The following DIP2B variants were observed in gnomAD, a reference collection of about 807,000 sequenced individuals.
DIP2B encodes DIP2 acetate--CoA ligase B (putative), also known as disco-interacting protein 2 homolog B.
In DIP2B, 76 loss-of-function variants were observed where a neutral mutation model predicts 198.0. The observed-to-expected ratio is 0.38, with a 90% CI of 0.32 to 0.46. DIP2B has a LOEUF of 0.46. DIP2B is among the 20% of genes least tolerant of loss of function. The pLI is 0.99. For missense variants in DIP2B, 1,559 were observed against 1,978.4 expected, an observed-to-expected ratio of 0.79 and a Z score of 4.02; for synonymous variants, 701 against 739.1, an observed-to-expected ratio of 0.95 and a Z score of 0.84.
chr12:50,645,518 C>A (rs1361083367), intron 3 of DIP2B, among the ~76,000 whole-genome samples: 1 of 149,262 alleles, frequency 6.7e-6, no homozygotes, highest in Non-Finnish European at 1.5e-5. Flanking sequence ...AGTACAGTGG[C>A]ACAATCATGG....
chr12:50,521,846 A>G (rs1958123012), intron 1 of DIP2B, among the ~76,000 whole-genome samples: 1 of 151,170 alleles, frequency 6.6e-6, no homozygotes, highest in Non-Finnish European at 1.5e-5. Context: ...GGGTTTTGCT[A>G]TGTTGCCCAG....
chr12:50,695,810 T>A lies in DIP2B; in HGVS notation c.1814-38T>A, dbSNP rs758682459. The stretch of plus-strand genomic sequence containing the variant: ...TGGTGTATTACATATGTCCCAAATT[T>A]ATTGTGTATGTTAACTTCATCCTTT... On this transcript the variant is annotated intron_variant, in intron 15 of 37. Coordinates refer to ENST00000301180, the MANE Select transcript of DIP2B (RefSeq NM_173602.3). 5.6e-6 allele frequency: 9 copies of A among 1,610,282 alleles called. No individual in the cohort carries two copies. In the East Asian group the frequency reaches 2.0e-4, roughly 36 times the overall value.
At chr12:50,733,254 CT>C (rs10538769) in intron 32 of DIP2B, among the ~76,000 whole-genome samples, 46,008 of 136,946 alleles carry the variant, frequency 0.34, 7,592 homozygotes, top group African/African-American at 0.38. Flanking sequence ...TTTTTTCTTT[CT>C]TTTTTTTTTT....
At chr12:50,735,237 T>C (rs1940116386) in intron 34 of DIP2B, 107 bp downstream of exon 34, 1 of 1,259,104 alleles carries the variant, frequency 7.9e-7, no homozygotes, top group Non-Finnish European at 1.1e-6. Context: ...CAAGCCTTAA[T>C]TGAAATCTGG....
At chr12:50,723,056 A>G (rs1939870370) in intron 26 of DIP2B, 146 bp from the exon 27 acceptor site, 9 of 890,494 alleles carry the variant, frequency 1.0e-5, no homozygotes, top group Non-Finnish European at 1.5e-5. Flanking sequence ...TTCACTTTCA[A>G]TATCTTCTGC....
chr12:50,638,591 A>G (rs1251914332), intron 2 of DIP2B, among the ~76,000 whole-genome samples: 1 of 152,158 alleles, frequency 6.6e-6, no homozygotes, highest in African/African-American at 2.4e-5. Context: ...TTACCATGGC[A>G]GTGAAACTGT....
At chr12:50,613,372 C>A (rs969521902) in intron 1 of DIP2B, among the ~76,000 whole-genome samples, 1 of 152,126 alleles carries the variant, frequency 6.6e-6, no homozygotes, top group African/African-American at 2.4e-5. Flanking sequence ...ACAAGAAAAC[C>A]TTTACTCTGA....
At position 50,732,518 on chromosome 12, in the gene DIP2B, T is replaced by C. The variant is rs778725440; in HGVS notation, c.3963T>C (p.Asn1321=). The change falls in exon 32 of 38, where the codon AAT becomes AAC. Residue 1321 remains asparagine (N), a synonymous_variant. Transcript: ENST00000301180. ...AVSTTFGSRV[N]VAICLQGTSG... ...GCACCACTTTTGGATCAAGAGTCAA[T>C]GTAGCAATATGTTTACAGGTGACCC... The C allele has an allele frequency of 6.2e-7, 1 of 1,614,070 alleles. No homozygotes were observed. The highest frequency in any genetic ancestry group is 8.5e-7 in the Non-Finnish European group (1 of 1,180,052).
At chr12:50,505,266 G>T (rs1238913982) in intron 1 of DIP2B, 26 bp downstream of exon 1, 4 of 1,456,890 alleles carry the variant, frequency 2.7e-6, no homozygotes, top group Admixed American at 2.6e-5. Flanking sequence ...GGGAGAGGGC[G>T]CCCGGGGCCC....
chr12:50,506,640 T>C (rs1957970883), intron 1 of DIP2B, among the ~76,000 whole-genome samples: 1 of 152,240 alleles, frequency 6.6e-6, no homozygotes, highest in Non-Finnish European at 1.5e-5. Flanking sequence ...TTAGTTTGTT[T>C]CTGTGAAGTG....
chr12:50,730,816 C>CTCATTCT (rs142108193), intron 30 of DIP2B, among the ~76,000 whole-genome samples: 9,570 of 152,152 alleles, frequency 0.063, 641 homozygotes, highest in East Asian at 0.31. Flanking sequence ...CAAATTCATA[C>CTCATTCT]TCATTCTTCA....
intron 3 of DIP2B, among the ~76,000 whole-genome samples, chr12:50,653,578 G>A (rs1193234613): frequency 6.6e-6 from 1 of 151,868 alleles, no homozygotes; most frequent in Non-Finnish European, 1.5e-5. Flanking sequence ...CTAGGCTCAA[G>A]TGATCTGCCC....
At chr12:50,587,159 T>C (rs78920519) in intron 1 of DIP2B, among the ~76,000 whole-genome samples, 1 of 152,190 alleles carries the variant, frequency 6.6e-6, no homozygotes, top group East Asian at 1.9e-4. Flanking sequence ...TTTGTTGTTA[T>C]ACCTCTACAC....
At chr12:50,695,760 C>T in intron 15 of DIP2B, 88 bp from the exon 16 acceptor site, 1 of 1,542,086 alleles carries the variant, frequency 6.5e-7, no homozygotes, top group Non-Finnish European at 8.8e-7. Context: ...CATGATTCCC[C>T]AAATAAGTAA....
rs11423846 is a variant in DIP2B at position 50,526,626 on chromosome 12, C to CTTTTTTTTT, written c.100+21405_100+21413dup. ...TGCATTGATTCTCTTTTTCCTCTGC[C>CTTTTTTTTT]TTTTTTTTTTTTTTTTTTTTTTTTT... On this transcript the variant is annotated intron_variant, in intron 1 of 37. Coordinates refer to ENST00000301180, the MANE Select transcript of DIP2B (RefSeq NM_173602.3). Among the ~76,000 whole-genome samples, 64 of 64,190 alleles carry CTTTTTTTTT rather than the reference C, an allele frequency of 1.0e-3. 16 individuals carry two copies. The highest frequency in any genetic ancestry group is 4.1e-3 in the African/African-American group (58 of 14,198). 42.1% of individuals were successfully genotyped at this position (64,190 alleles called of 152,430 possible).
Position 50,671,193 on chromosome 12 carries a change from T to A in DIP2B, c.435T>A (p.Ser145=). ...TTTTCTAATTCCACACAGACACATC[T>A]TCGGCCTCTGAGGATGAGGGCTCTC... ...PADACTPPDT[S]SASEDEGSLR... The change falls in exon 5 of 38, where the codon TCT becomes TCA. Residue 145 remains serine (S), a synonymous_variant. Transcript: ENST00000301180. 1.2e-6 allele frequency: 2 copies of A among 1,614,116 alleles called. No homozygotes were observed. The highest frequency in any genetic ancestry group is 2.7e-5 in the African/African-American group (2 of 75,046).
At chr12:50,572,457 G>T (rs1007725929) in intron 1 of DIP2B, among the ~76,000 whole-genome samples, 1 of 152,158 alleles carries the variant, frequency 6.6e-6, no homozygotes, top group African/African-American at 2.4e-5. Context: ...ATGCTGGATT[G>T]GTGTGTGCTG....
At chr12:50,736,118 A>G (rs931862489) in intron 34 of DIP2B, among the ~76,000 whole-genome samples, 1 of 152,182 alleles carries the variant, frequency 6.6e-6, no homozygotes, top group East Asian at 1.9e-4. Flanking sequence ...GTGGAGGGAA[A>G]AAAAGAATCC....
chr12:50,590,056 C>T (rs772825107), intron 1 of DIP2B, among the ~76,000 whole-genome samples: 4 of 152,040 alleles, frequency 2.6e-5, no homozygotes, highest in South Asian at 2.1e-4. Context: ...AGTGCAGTGA[C>T]GCCATCATGG....
Sources: gnomAD v4.1 joint callset for allele counts (sites outside exome capture counted in the v4.1 genomes callset) on GRCh38, gnomAD v4.1.1 for gene constraint, MANE v1.5 for transcripts, NCBI Gene and HGNC (gene_info 2026-07-23, HGNC 2026-07-21) for gene names.